The following HCN1 variants were observed in gnomAD, a reference collection of about 807,000 sequenced individuals.
HCN1 encodes potassium/sodium hyperpolarization-activated cyclic nucleotide-gated channel 1.
HCN1 carries 13 observed loss-of-function variants against 78.9 expected under a neutral mutation model. That is an observed-to-expected ratio of 0.16 (90% CI 0.11 to 0.26). The LOEUF is 0.26. Among genes scored for constraint, HCN1 ranks in the 10% least tolerant of loss-of-function variants. HCN1 has a pLI of 1.00. For synonymous variants in HCN1, 552 were observed against 455.5 expected (o/e 1.21, Z -2.70); for missense variants, 810 against 1,154.3 (o/e 0.70, Z 4.32).
chr5:45,430,685 A>G (rs1370201044), intron 3 of HCN1, among the ~76,000 whole-genome samples: 2 of 151,934 alleles, frequency 1.3e-5, no homozygotes, highest in Non-Finnish European at 2.9e-5. Context: ...AATTTACTCC[A>G]TCATCGGGCG....
intron 5 of HCN1, among the ~76,000 whole-genome samples, chr5:45,336,755 C>A (rs1746464621): frequency 6.6e-6 from 1 of 152,012 alleles, no homozygotes; most frequent in Non-Finnish European, 1.5e-5. Context: ...AAGGTGCTGG[C>A]AGACTTTGTC....
At chr5:45,308,091 A>C (rs1745772982) in intron 5 of HCN1, among the ~76,000 whole-genome samples, 1 of 151,900 alleles carries the variant, frequency 6.6e-6, no homozygotes, top group Non-Finnish European at 1.5e-5. Context: ...GTGAGTTCTC[A>C]CTCTATTAGT....
intron 5 of HCN1, among the ~76,000 whole-genome samples, chr5:45,344,974 T>A (rs1401355917): frequency 6.6e-6 from 1 of 152,118 alleles, no homozygotes; most frequent in Non-Finnish European, 1.5e-5. Flanking sequence ...CTAGCAGAGG[T>A]TCTCCATGAG....
intron 2 of HCN1, among the ~76,000 whole-genome samples, chr5:45,508,872 TGAA>T: frequency 6.6e-6 from 1 of 152,124 alleles, no homozygotes; most frequent in African/African-American, 2.4e-5. Flanking sequence ...TGAAACCTTG[TGAA>T]AGCCAAACAA....
At chr5:45,455,740 T>C (rs958458392) in intron 3 of HCN1, among the ~76,000 whole-genome samples, 3 of 115,084 alleles carry the variant, frequency 2.6e-5, no homozygotes, top group African/African-American at 1.0e-4. Context: ...AGCTTCAAAT[T>C]AAGACATGCT....
chr5:45,474,902 T>A (rs919837389), intron 2 of HCN1, among the ~76,000 whole-genome samples: 1 of 151,884 alleles, frequency 6.6e-6, no homozygotes, highest in Non-Finnish European at 1.5e-5. Flanking sequence ...AAAGGGAAAA[T>A]GAATGAATAA....
At chr5:45,631,981 T>C (rs1580008403) in intron 2 of HCN1, among the ~76,000 whole-genome samples, 1 of 152,252 alleles carries the variant, frequency 6.6e-6, no homozygotes, top group East Asian at 1.9e-4. Context: ...ATACGTTTGG[T>C]CTTGCAAGTT....
intron 1 of HCN1, among the ~76,000 whole-genome samples, chr5:45,671,409 CTA>C (rs899519956): frequency 1.3e-5 from 2 of 150,520 alleles, no homozygotes; most frequent in Admixed American, 6.7e-5. Flanking sequence ...ATATATAGTA[CTA>C]TATATATATA....
At chr5:45,309,170 T>G (rs1745797310) in intron 5 of HCN1, among the ~76,000 whole-genome samples, 1 of 152,176 alleles carries the variant, frequency 6.6e-6, no homozygotes, top group Non-Finnish European at 1.5e-5. Context: ...TCAGCTTGAC[T>G]GTTGTTGGTG....
At chr5:45,475,270 T>C (rs915192055) in intron 2 of HCN1, among the ~76,000 whole-genome samples, 1 of 152,080 alleles carries the variant, frequency 6.6e-6, no homozygotes, top group South Asian at 2.1e-4. Context: ...TTCTGTGCTC[T>C]AAATGCATGC....
chr5:45,296,796 G>C (rs1012256892), intron 6 of HCN1, among the ~76,000 whole-genome samples: 2 of 151,998 alleles, frequency 1.3e-5, no homozygotes, highest in African/African-American at 4.8e-5. Context: ...CCCTAAAAGA[G>C]AATGATTCAA....
intron 2 of HCN1, among the ~76,000 whole-genome samples, chr5:45,639,984 T>C (rs1745422120): frequency 6.6e-6 from 1 of 152,138 alleles, no homozygotes; most frequent in African/African-American, 2.4e-5. Context: ...ATCTCGTGTC[T>C]TCTGGAACAC....
chr5:45,391,820 T>C (rs999936552), intron 4 of HCN1, among the ~76,000 whole-genome samples: 11 of 152,202 alleles, frequency 7.2e-5, no homozygotes, highest in South Asian at 2.1e-4. Flanking sequence ...AAGAAAATGG[T>C]CCTTATACTC....
At chr5:45,511,456 C>T (rs1742414055) in intron 2 of HCN1, among the ~76,000 whole-genome samples, 1 of 151,986 alleles carries the variant, frequency 6.6e-6, no homozygotes, top group Non-Finnish European at 1.5e-5. Context: ...AACACACCCT[C>T]AGCCAGATGA....
chr5:45,561,781 T>C (rs901515168), intron 2 of HCN1, among the ~76,000 whole-genome samples: 3 of 152,068 alleles, frequency 2.0e-5, no homozygotes, highest in Non-Finnish European at 4.4e-5. Flanking sequence ...GGGTTACAGA[T>C]TGAGTTCAAT....
Position 45,394,931 on chromosome 5 carries a change from G to T in HCN1, c.1230+1561C>A, listed in dbSNP as rs372013303. On this transcript the variant is annotated intron_variant, in intron 4 of 7. Coordinates refer to ENST00000303230, the MANE Select transcript of HCN1 (RefSeq NM_021072.4). ...CTCTATCAAACACTTATAAGATCAA[G>T]AACTTCATGATTTGAATTATTACAA... Among the ~76,000 whole-genome samples the T allele has an allele frequency of 5.3e-5, 8 of 152,136 alleles. No homozygotes were observed. The East Asian group carries it at 1.5e-3, about 29-fold the overall frequency.
rs1745849475 is a variant in HCN1, at chr5:45,311,404, T to C, written c.1378-7565A>G. ...CTATTTAAAATACACTGGTTCAATT[T>C]CTTCTTACTTTTGCAATCAGCTTAT... On this transcript the variant is annotated intron_variant, in intron 5 of 7. Transcript: ENST00000303230. Among the ~76,000 whole-genome samples the C allele has an allele frequency of 2.6e-5, 4 of 152,186 alleles. No homozygotes were observed. The South Asian group carries it at 8.3e-4, about 31-fold the overall frequency.
At chr5:45,284,369 A>G (rs1178422728) in intron 6 of HCN1, among the ~76,000 whole-genome samples, 1 of 152,134 alleles carries the variant, frequency 6.6e-6, no homozygotes, top group African/African-American at 2.4e-5. Flanking sequence ...CCTAACAAAC[A>G]TTTTTGAAAT....
chr5:45,353,804 C>A (rs1579835082), intron 4 of HCN1, among the ~76,000 whole-genome samples: 1 of 151,966 alleles, frequency 6.6e-6, no homozygotes, highest in Non-Finnish European at 1.5e-5. Context: ...CTATGGCAGG[C>A]TTCCAATTTA....
Sources: allele counts gnomAD v4.1 joint callset (sites outside exome capture counted in the v4.1 genomes callset), GRCh38; gene constraint gnomAD v4.1.1; transcripts MANE v1.5; gene names NCBI Gene and HGNC (gene_info 2026-07-23, HGNC 2026-07-21).